The following TMEM156 variants were observed in gnomAD, a reference collection of about 807,000 sequenced individuals.
TMEM156 encodes transmembrane protein 156.
In TMEM156, 28 loss-of-function variants were observed where a neutral mutation model predicts 30.5. That is an observed-to-expected ratio of 0.92 (90% CI 0.68 to 1.26). The LOEUF is 1.26. Among genes scored for constraint, TMEM156 ranks in the 50% most tolerant of loss-of-function variants. The pLI, the probability that TMEM156 is intolerant of heterozygous loss-of-function variation, is 0.00. For missense variants in TMEM156, 351 were observed against 340.6 expected (o/e 1.03, Z -0.24); for synonymous variants, 137 against 119.9 (o/e 1.14, Z -0.93).
chr4:39,007,875 TA>T (rs1315627817), intron 1 of TMEM156, among the ~76,000 whole-genome samples: 4 of 152,148 alleles, frequency 2.6e-5, no homozygotes, highest in African/African-American at 9.7e-5. Flanking sequence ...GATTTCCTCC[TA>T]GGCGCCTTGC....
intron 1 of TMEM156, among the ~76,000 whole-genome samples, chr4:39,008,056 A>G (rs1175967546): frequency 1.3e-5 from 2 of 152,158 alleles, no homozygotes; most frequent in African/African-American, 2.4e-5. Flanking sequence ...GCAAATATGC[A>G]TATTGACTGC....
chr4:39,004,672 G>A (rs892806815), intron 1 of TMEM156, among the ~76,000 whole-genome samples: 1 of 152,006 alleles, frequency 6.6e-6, no homozygotes, highest in Non-Finnish European at 1.5e-5. Context: ...TTTTATGAAT[G>A]AATATACTAT....
chr4:38,978,049 A>G (rs113591746), intron 5 of TMEM156, among the ~76,000 whole-genome samples: 2,556 of 152,240 alleles, frequency 0.017, 40 homozygotes, highest in Middle Eastern at 0.034. Context: ...GGAAACTTGC[A>G]AGGTGTTTTC....
intron 6 of TMEM156, among the ~76,000 whole-genome samples, chr4:38,967,973 A>G (rs563733626): frequency 8.8e-4 from 134 of 152,354 alleles, no homozygotes; most frequent in African/African-American, 3.1e-3. Flanking sequence ...TGTTTTCTGT[A>G]GTGGCTATAC....
chr4:38,972,242 ATTTTTTTTTTT>A (rs144479056), intron 5 of TMEM156, among the ~76,000 whole-genome samples: 20 of 75,858 alleles, frequency 2.6e-4, no homozygotes, highest in African/African-American at 1.1e-3. Context: ...TTCTCTGGGA[ATTTTTTTTTTT>A]TTTTTTTTTT....
At chr4:38,995,837 A>G (rs1410330643) in intron 2 of TMEM156, among the ~76,000 whole-genome samples, 1 of 152,252 alleles carries the variant, frequency 6.6e-6, no homozygotes, top group East Asian at 1.9e-4. Flanking sequence ...AAAGGCAAAG[A>G]AATTCCTGTC....
chr4:38,998,251 A>G (rs1713063731), intron 2 of TMEM156, among the ~76,000 whole-genome samples: 2 of 152,202 alleles, frequency 1.3e-5, no homozygotes, highest in African/African-American at 4.8e-5. Flanking sequence ...GGATCTAAAA[A>G]TGGAATATAT....
chr4:38,976,039 C>T (rs147292403), intron 5 of TMEM156, among the ~76,000 whole-genome samples: 2,998 of 152,000 alleles, frequency 0.02, 48 homozygotes, highest in Non-Finnish European at 0.03. Flanking sequence ...GTAATCCCAG[C>T]ACTTCGGGAG....
intron 1 of TMEM156, among the ~76,000 whole-genome samples, chr4:39,012,142 C>T (rs1714169354): frequency 6.6e-6 from 1 of 152,172 alleles, no homozygotes; most frequent in Non-Finnish European, 1.5e-5. Context: ...TGTAACAAAC[C>T]TGCACATGTA....
chr4:39,028,405 T>C (rs1239556271), intron 1 of TMEM156: 1 of 152,226 alleles, frequency 6.6e-6, no homozygotes, highest in African/African-American at 2.4e-5. Flanking sequence ...TATTTCTCTT[T>C]GCAAATGGAA....
intron 1 of TMEM156, among the ~76,000 whole-genome samples, chr4:39,028,029 T>A (rs1346894908): frequency 6.6e-6 from 1 of 152,114 alleles, no homozygotes; most frequent in Non-Finnish European, 1.5e-5. Flanking sequence ...AGTACTGGGA[T>A]TACACCGCGC....
At chr4:39,008,262 G>T (rs1240340408) in intron 1 of TMEM156, among the ~76,000 whole-genome samples, 1 of 152,154 alleles carries the variant, frequency 6.6e-6, no homozygotes, top group Admixed American at 6.5e-5. Flanking sequence ...TATTTTAGAT[G>T]CCCTTTAGCA....
chr4:39,014,293 A>C (rs945284178), intron 1 of TMEM156, among the ~76,000 whole-genome samples: 1 of 152,256 alleles, frequency 6.6e-6, no homozygotes, highest in Non-Finnish European at 1.5e-5. Context: ...TAATGGAAGA[A>C]AGATGATTGA....
intron 5 of TMEM156, among the ~76,000 whole-genome samples, chr4:38,982,738 C>A (rs947231777): frequency 6.6e-6 from 1 of 152,090 alleles, no homozygotes; most frequent in African/African-American, 2.4e-5. Flanking sequence ...TCTAGAGAAC[C>A]CTGACTAATC....
chr4:39,001,227 A>AAG (rs1553880278), intron 1 of TMEM156, among the ~76,000 whole-genome samples: 4 of 150,188 alleles, frequency 2.7e-5, no homozygotes, highest in Non-Finnish European at 5.9e-5. Context: ...AAAAAAAAAA[A>AAG]AAAGAAAAAA....
chr4:38,968,057 C>A (rs1378199120), intron 6 of TMEM156, among the ~76,000 whole-genome samples: 1 of 152,156 alleles, frequency 6.6e-6, no homozygotes, highest in Non-Finnish European at 1.5e-5. Flanking sequence ...TCAGGGTGAC[C>A]CCAGGACTGA....
chr4:38,975,318 G>A (rs915859106), intron 5 of TMEM156, among the ~76,000 whole-genome samples: 7 of 151,028 alleles, frequency 4.6e-5, no homozygotes, highest in Non-Finnish European at 8.8e-5. Flanking sequence ...GGCTATGTCT[G>A]TCAGCCCAGT....
At chr4:39,003,956 C>T (rs1236480714) in intron 1 of TMEM156, among the ~76,000 whole-genome samples, 1 of 152,036 alleles carries the variant, frequency 6.6e-6, no homozygotes, top group African/African-American at 2.4e-5. Context: ...CCTTTATATT[C>T]GGCTATGGGG....
Position 38,998,876 on chromosome 4 carries a change from C to A in TMEM156, c.122G>T (p.Cys41Phe). The change falls in exon 2 of 7, where the codon TGT becomes TTT. Residue 41 changes from cysteine to phenylalanine, a missense_variant. Cys to Phe is a radical substitution (Grantham distance 205). Coordinates refer to ENST00000381938, the MANE Select transcript of TMEM156 (RefSeq NM_024943.3). ...TGAATAGGTAAAATTAGATTGCAAA[C>A]ACACTTCCAGACATGATAGCTCCAA... Reference protein sequence around the residue: ...RTLELSCLEVCLQSNFTYSLS... With the variant: ...RTLELSCLEVFLQSNFTYSLS... The A allele has an allele frequency of 5.6e-6, 9 of 1,613,718 alleles. No individual in the cohort carries two copies. Among genetic ancestry groups the A allele is most frequent in the Non-Finnish European group, 7.6e-6 (9 of 1,179,860 alleles).
Sources: gnomAD v4.1 joint callset for allele counts (sites outside exome capture counted in the v4.1 genomes callset) on GRCh38, gnomAD v4.1.1 for gene constraint, MANE v1.5 for transcripts, NCBI Gene and HGNC (gene_info 2026-07-23, HGNC 2026-07-21) for gene names.